The following ZNF148 variants were observed in gnomAD, a reference collection of about 807,000 sequenced individuals.
ZNF148 encodes zinc finger protein 148.
In ZNF148, 7 loss-of-function variants were observed where a neutral mutation model predicts 67.7. The ratio of observed to expected loss-of-function variants is 0.10; its 90% CI spans 0.06 to 0.19. The LOEUF is 0.19. Ranked by LOEUF, ZNF148 falls within the 10% of genes least tolerant of loss-of-function variation. The probability of loss-of-function intolerance (pLI) is 1.00; values close to 1 mark genes in which losing one functional copy is unlikely to be tolerated. For synonymous variants in ZNF148, 333 were observed against 330.7 expected, an observed-to-expected ratio of 1.01 and a Z score of -0.08; for missense variants, 583 against 947.1, an observed-to-expected ratio of 0.62 and a Z score of 5.05.
intron 4 of ZNF148, among the ~76,000 whole-genome samples, chr3:125,301,426 A>G (rs1268689636): frequency 1.3e-5 from 2 of 152,226 alleles, no homozygotes; most frequent in Non-Finnish European, 1.5e-5. Flanking sequence ...GAGAGCCAAA[A>G]TAAATCCTGA....
At chr3:125,338,350 T>C (rs1442143291) in intron 1 of ZNF148, among the ~76,000 whole-genome samples, 1 of 152,148 alleles carries the variant, frequency 6.6e-6, no homozygotes, top group East Asian at 1.9e-4. Flanking sequence ...AGAAAACTCA[T>C]CATTTTTATT....
chr3:125,316,863 T>G (rs761325415), intron 3 of ZNF148, among the ~76,000 whole-genome samples: 6 of 152,134 alleles, frequency 3.9e-5, no homozygotes, highest in African/African-American at 9.7e-5. Context: ...ATGTGATTTT[T>G]TTAAATTAAT....
At chr3:125,367,133 T>C (rs553179920) in intron 1 of ZNF148, among the ~76,000 whole-genome samples, 1 of 152,342 alleles carries the variant, frequency 6.6e-6, no homozygotes, top group South Asian at 2.1e-4. Flanking sequence ...ATAAAGCTCA[T>C]CCCATCATTT....
Position 125,226,248 on chromosome 3 carries a change from A to G in ZNF148, c.*6093T>C, listed in dbSNP as rs1935627129. 6.5e-6 allele frequency: 1 copy of G among 152,764 alleles called. No homozygotes were observed. The highest frequency in any genetic ancestry group is 6.5e-5 in the Admixed American group (1 of 15,298). The allele number at this position is 152,764 out of a possible 1,614,324, so 9.5% of individuals were successfully genotyped here. ...TGTTACCCAATTTGTGTAACTGTTA[A>G]TTCCACACAGAAATTCTTTTCTCTT... is the stretch of plus-strand genomic sequence containing the variant. On this transcript the variant is annotated 3_prime_UTR_variant, in exon 9 of 9. Transcript: ENST00000360647.
At chr3:125,273,314 A>G (rs1191779953) in intron 7 of ZNF148, among the ~76,000 whole-genome samples, 6 of 152,208 alleles carry the variant, frequency 3.9e-5, no homozygotes, top group African/African-American at 4.8e-5. Context: ...CTGTGTTTTC[A>G]GGCATGAAGA....
At chr3:125,272,751 T>C (rs1036240277) in intron 7 of ZNF148, among the ~76,000 whole-genome samples, 3 of 152,210 alleles carry the variant, frequency 2.0e-5, no homozygotes, top group Non-Finnish European at 4.4e-5. Context: ...GTTTTATGTA[T>C]AACCAATCTT....
At chr3:125,234,045 A>T (rs1935973020) in intron 8 of ZNF148, 106 bp from the exon 9 acceptor site, 23 of 1,392,188 alleles carry the variant, frequency 1.7e-5, no homozygotes, top group Non-Finnish European at 1.7e-5. Context: ...ATGCAATAAC[A>T]TACATAATTC....
intron 4 of ZNF148, among the ~76,000 whole-genome samples, chr3:125,312,444 C>T (rs1940266598): frequency 6.6e-6 from 1 of 152,174 alleles, no homozygotes; most frequent in African/African-American, 2.4e-5. Flanking sequence ...AAAAGTAAGA[C>T]AAAACTCCTG....
intron 1 of ZNF148, among the ~76,000 whole-genome samples, chr3:125,334,996 A>C (rs1941432412): frequency 6.6e-6 from 1 of 152,176 alleles, no homozygotes; most frequent in Non-Finnish European, 1.5e-5. Flanking sequence ...TAGCTACTAC[A>C]AGTCTAGCTA....
At chr3:125,298,343 G>GCACACACACACACACACACA (rs1443914103) in intron 4 of ZNF148, among the ~76,000 whole-genome samples, 1 of 31,442 alleles carries the variant, frequency 3.2e-5, no homozygotes, top group African/African-American at 2.3e-4. Flanking sequence ...TTATAAATGT[G>GCACACACACACACACACACA]CATACACACA....
intron 2 of ZNF148, among the ~76,000 whole-genome samples, chr3:125,324,317 G>T (rs539142452): frequency 6.6e-6 from 1 of 152,126 alleles, no homozygotes; most frequent in East Asian, 1.9e-4. Context: ...AAACTTAAAA[G>T]AAACTATTAT....
At chr3:125,235,652 GTTGT>G (rs995041332) in intron 7 of ZNF148, among the ~76,000 whole-genome samples, 8 of 151,942 alleles carry the variant, frequency 5.3e-5, no homozygotes, top group Admixed American at 3.3e-4. Context: ...AAATTACTGA[GTTGT>G]TTACTGCTGC....
At chr3:125,307,450 T>C (rs62270334) in intron 4 of ZNF148, among the ~76,000 whole-genome samples, 81,278 of 151,192 alleles carry the variant, frequency 0.54, 22,954 homozygotes, top group Middle Eastern at 0.67. Context: ...CCACAGGCGC[T>C]TGCTACCACG....
intron 4 of ZNF148, among the ~76,000 whole-genome samples, chr3:125,300,795 ACAT>A (rs76121164): frequency 0.77 from 116,922 of 151,812 alleles, 45,567 homozygotes; most frequent in African/African-American, 0.85. Flanking sequence ...AATGCAGCAT[ACAT>A]CACTGTGAAT....
At chr3:125,346,200 T>A (rs747745419) in intron 1 of ZNF148, among the ~76,000 whole-genome samples, 14 of 152,152 alleles carry the variant, frequency 9.2e-5, no homozygotes, top group African/African-American at 3.4e-4. Context: ...ACCACATCAA[T>A]AGAACAAAGT....
At chr3:125,246,705 T>C (rs763888490) in intron 7 of ZNF148, among the ~76,000 whole-genome samples, 1 of 152,200 alleles carries the variant, frequency 6.6e-6, no homozygotes, top group Non-Finnish European at 1.5e-5. Flanking sequence ...ATTATAATTA[T>C]AACCATACTT....
At chr3:125,286,353 A>T (rs1938655753) in intron 5 of ZNF148, among the ~76,000 whole-genome samples, 1 of 152,186 alleles carries the variant, frequency 6.6e-6, no homozygotes, top group East Asian at 1.9e-4. Context: ...AAACTAAAGA[A>T]ATTCAAATTT....
intron 1 of ZNF148, among the ~76,000 whole-genome samples, chr3:125,338,547 C>T (rs1049762463): frequency 6.7e-6 from 1 of 149,986 alleles, no homozygotes; most frequent in East Asian, 2.0e-4. Context: ...GTAATCCCAG[C>T]TACTTGGAAG....
At chr3:125,290,678 G>C (rs1029504127) in intron 4 of ZNF148, among the ~76,000 whole-genome samples, 4 of 152,032 alleles carry the variant, frequency 2.6e-5, no homozygotes, top group Admixed American at 2.6e-4. Context: ...TATGTGCAAA[G>C]TGCCATTCTA....
Sources: allele counts gnomAD v4.1 joint callset (sites outside exome capture counted in the v4.1 genomes callset), GRCh38; gene constraint gnomAD v4.1.1; transcripts MANE v1.5; gene names NCBI Gene and HGNC (gene_info 2026-07-23, HGNC 2026-07-21).